Variants in FGF20 observed in about 807,000 individuals in gnomAD.
FGF20 encodes fibroblast growth factor 20.
Under a neutral mutation model 16.7 loss-of-function variants are expected in FGF20, and 8 were observed. The ratio of observed to expected loss-of-function variants is 0.48; its 90% CI spans 0.28 to 0.87. The LOEUF (loss-of-function observed/expected upper bound fraction) is 0.87. Ranked by LOEUF, FGF20 falls within the 40% of genes least tolerant of loss-of-function variation. FGF20 has a pLI of 0.10. For missense variants in FGF20, 397 were observed against 281.4 expected (o/e 1.41, Z -2.94); for synonymous variants, 161 against 118.6 (o/e 1.36, Z -2.32).
intron 1 of FGF20, among the ~76,000 whole-genome samples, chr8:16,997,052 G>C (rs1431475459): frequency 6.6e-6 from 1 of 152,146 alleles, no homozygotes; most frequent in Non-Finnish European, 1.5e-5. Context: ...TAATGAATTA[G>C]CATGCAAGTA....
At chr8:16,997,802 C>T (rs925906310) in intron 1 of FGF20, among the ~76,000 whole-genome samples, 2 of 151,742 alleles carry the variant, frequency 1.3e-5, no homozygotes, top group African/African-American at 2.4e-5. Flanking sequence ...AGAGTCCTGC[C>T]GGAAACAAAA....
Position 16,992,922 on chromosome 8 carries a change from T to C in FGF20, c.*150A>G, listed in dbSNP as rs566436899. 18 of 1,068,814 alleles carry C rather than the reference T, an allele frequency of 1.7e-5. No homozygotes were observed. The South Asian group carries it at 3.0e-4, about 18-fold the overall frequency. 66.2% of individuals were successfully genotyped at this position (1,068,814 alleles called of 1,614,324 possible). A position where few individuals can be genotyped will look rare whatever the true frequency, so the allele number is the denominator to read the frequency against. ...TTCTAGTCAAAATTTTTTTTGGTTT[T>C]TTTTCTCAATATTCTTTCCAAATCC... is the stretch of plus-strand genomic sequence containing the variant. On this transcript the variant is annotated 3_prime_UTR_variant, in exon 3 of 3. Transcript: ENST00000180166.
intron 2 of FGF20, 106 bp from the exon 3 acceptor site, chr8:16,993,423 A>AGG: frequency 8.5e-7 from 1 of 1,173,152 alleles, no homozygotes; most frequent in Non-Finnish European, 1.2e-6. Flanking sequence ...TCAAAGAAAG[A>AGG]AAAAGGTTAA....
At position 17,002,174 on chromosome 8, in the gene FGF20, A is replaced by C; in HGVS notation, c.-142T>G. ...ACTCCTCTGAGGTCGCTCCGGAGGG[A>C]CTTTGCACTGAAATGGCAGGGAAGC... On this transcript the variant is annotated 5_prime_UTR_variant, in exon 1 of 3. Transcript: ENST00000180166. 5.1e-6 allele frequency: 4 copies of C among 777,852 alleles called. No individual in the cohort carries two copies. The highest frequency in any genetic ancestry group is 7.3e-6 in the Non-Finnish European group (4 of 546,144). 48.2% of individuals were successfully genotyped at this position (777,852 alleles called of 1,614,324 possible). A position where few individuals can be genotyped will look rare whatever the true frequency, so the allele number is the denominator to read the frequency against.
At chr8:17,001,341 G>A (rs2150437032) in intron 1 of FGF20, among the ~76,000 whole-genome samples, 1 of 152,230 alleles carries the variant, frequency 6.6e-6, no homozygotes, top group Middle Eastern at 3.4e-3. Flanking sequence ...AAAGGAAATC[G>A]GAGAGAAACA....
chr8:17,000,737 C>T (rs1265638392), intron 1 of FGF20, among the ~76,000 whole-genome samples: 1 of 151,900 alleles, frequency 6.6e-6, no homozygotes, highest in African/African-American at 2.4e-5. Flanking sequence ...GATGAAGGCA[C>T]TTTCTAGTTA....
rs1810190817 is a variant in FGF20 at position 17,001,770 on chromosome 8, G to GT, written c.262dup (p.Thr88AsnfsTer24). 1 of 1,576,950 alleles carries GT rather than the reference G, an allele frequency of 6.3e-7. No homozygotes were observed. The highest frequency in any genetic ancestry group is 8.6e-7 in the Non-Finnish European group (1 of 1,165,214). ...ACCGAAGAGGCTGTGGTCCTGCCGG[G>GT]TGCCCTGCACGCTGCCGTCGGGCAG... is the stretch of plus-strand genomic sequence containing the variant. On this transcript the variant is annotated frameshift_variant, in exon 1 of 3. Coordinates refer to ENST00000180166, the MANE Select transcript of FGF20 (RefSeq NM_019851.3). LOFTEE classifies it high-confidence loss of function.
At chr8:17,001,686 GAGGGAA>G (rs999006684) in intron 1 of FGF20, 55 bp downstream of exon 1, 6 of 1,484,242 alleles carry the variant, frequency 4.0e-6, no homozygotes, top group Non-Finnish European at 4.5e-6. Context: ...GGTGCAAGGG[GAGGGAA>G]CGAGGAGCCG....
intron 1 of FGF20, among the ~76,000 whole-genome samples, chr8:16,997,415 A>T (rs144965865): frequency 8.6e-4 from 131 of 152,314 alleles, no homozygotes; most frequent in African/African-American, 2.9e-3. Flanking sequence ...TTTATTGTAC[A>T]AGTTCCTGTT....
chr8:16,996,093 G>A (rs1810037545), intron 1 of FGF20, among the ~76,000 whole-genome samples: 1 of 152,168 alleles, frequency 6.6e-6, no homozygotes, highest in African/African-American at 2.4e-5. Flanking sequence ...GGCCTCTCCT[G>A]TAATGGGGTG....
chr8:16,993,883 A>T (rs1809978499), intron 2 of FGF20, among the ~76,000 whole-genome samples: 1 of 152,112 alleles, frequency 6.6e-6, no homozygotes, highest in African/African-American at 2.4e-5. Flanking sequence ...GCTGCCGCTG[A>T]TCTCACAGGA....
At chr8:16,996,055 T>C (rs1470741800) in intron 1 of FGF20, among the ~76,000 whole-genome samples, 1 of 152,178 alleles carries the variant, frequency 6.6e-6, no homozygotes, top group Admixed American at 6.5e-5. Context: ...CTTGGGAAGT[T>C]GACACCCTTT....
At chr8:17,001,599 C>T (rs927319864) in intron 1 of FGF20, 148 bp downstream of exon 1, 1 of 894,192 alleles carries the variant, frequency 1.1e-6, no homozygotes, top group African/African-American at 1.7e-5. Flanking sequence ...CAGCCCCAGC[C>T]TGCGTCTTGC....
chr8:16,994,200 G>T (rs2904642), intron 2 of FGF20, among the ~76,000 whole-genome samples: 145,718 of 152,144 alleles, frequency 0.96, 70,090 homozygotes, highest in East Asian at 1. Context: ...CATCGTTAGA[G>T]GCCAGAGTTC....
At position 17,002,065 on chromosome 8, in the gene FGF20, C is replaced by A; in HGVS notation, c.-33G>T. Reference sequence around the variant, plus strand: ...GAGATCCGGAACACAAAAGACCCCCCCAGTAAAGAGTGTTGTGGGGGTGGG... The same window carrying A: ...GAGATCCGGAACACAAAAGACCCCCACAGTAAAGAGTGTTGTGGGGGTGGG... On this transcript the variant is annotated 5_prime_UTR_variant, in exon 1 of 3. Coordinates refer to ENST00000180166, the MANE Select transcript of FGF20 (RefSeq NM_019851.3). The A allele has an allele frequency of 6.6e-7, 1 of 1,505,764 alleles. No individual in the cohort carries two copies. The highest frequency in any genetic ancestry group is 8.8e-7 in the Non-Finnish European group (1 of 1,130,534). The allele number at this position is 1,505,764 out of a possible 1,614,324, so 93.3% of individuals were successfully genotyped here.
At chr8:16,993,643 A>C (rs542659527) in intron 2 of FGF20, among the ~76,000 whole-genome samples, 1 of 152,222 alleles carries the variant, frequency 6.6e-6, no homozygotes, top group East Asian at 1.9e-4. Flanking sequence ...TGTGTACTTC[A>C]TTCCCATTAT....
intron 1 of FGF20, among the ~76,000 whole-genome samples, chr8:16,999,228 T>A (rs1485960911): frequency 6.6e-6 from 1 of 152,218 alleles, no homozygotes; most frequent in Non-Finnish European, 1.5e-5. Context: ...ATACATAGTC[T>A]CCCACCATAG....
At chr8:16,994,590 A>G (rs978354193) in intron 2 of FGF20, among the ~76,000 whole-genome samples, 28 of 152,146 alleles carry the variant, frequency 1.8e-4, no homozygotes, top group African/African-American at 6.5e-4. Flanking sequence ...AACAAGTTTT[A>G]CCCTTACAAA....
intron 2 of FGF20, among the ~76,000 whole-genome samples, chr8:16,994,838 A>T (rs908416368): frequency 2.0e-5 from 3 of 152,208 alleles, no homozygotes; most frequent in Non-Finnish European, 4.4e-5. Context: ...TATCTTACCA[A>T]TTCTTATAAA....
Sources: gnomAD v4.1 joint callset for allele counts (sites outside exome capture counted in the v4.1 genomes callset) on GRCh38, gnomAD v4.1.1 for gene constraint, MANE v1.5 for transcripts, NCBI Gene and HGNC (gene_info 2026-07-23, HGNC 2026-07-21) for gene names.